Variants in SLC23A2 observed in about 807,000 individuals in gnomAD.
SLC23A2 encodes solute carrier family 23 member 2.
SLC23A2 carries 36 observed loss-of-function variants against 73.3 expected under a neutral mutation model. The observed-to-expected ratio is 0.49, with a 90% CI of 0.38 to 0.65. SLC23A2 has a LOEUF of 0.65. Among genes scored for constraint, SLC23A2 ranks in the 30% least tolerant of loss-of-function variants. The pLI, the probability that SLC23A2 is intolerant of heterozygous loss-of-function variation, is 0.00. For missense variants in SLC23A2, 507 were observed against 841.6 expected (o/e 0.60, Z 4.92); for synonymous variants, 343 against 327.3 (o/e 1.05, Z -0.52).
chr20:4,894,491 T>C (rs1050967385), intron 6 of SLC23A2, among the ~76,000 whole-genome samples: 8 of 152,218 alleles, frequency 5.3e-5, no homozygotes, highest in Non-Finnish European at 1.0e-4. Context: ...ATGCTTCACG[T>C]GGTCTCAGCC....
chr20:4,986,499 A>G (rs753226948), intron 1 of SLC23A2, among the ~76,000 whole-genome samples: 2 of 152,014 alleles, frequency 1.3e-5, no homozygotes, highest in African/African-American at 2.4e-5. Flanking sequence ...TTTTTAGTAG[A>G]GATAGGGTTT....
chr20:4,989,175 C>G (rs527416156), intron 1 of SLC23A2, among the ~76,000 whole-genome samples: 3 of 148,932 alleles, frequency 2.0e-5, no homozygotes, highest in South Asian at 2.1e-4. Flanking sequence ...GGAGGCAGAG[C>G]TTGCAATGAG....
At chr20:4,934,833 A>T (rs2086935854) in intron 2 of SLC23A2, among the ~76,000 whole-genome samples, 3 of 151,872 alleles carry the variant, frequency 2.0e-5, no homozygotes, top group Admixed American at 2.0e-4. Context: ...ATTGTACTCC[A>T]GCCTGGGCAA....
At chr20:4,927,460 G>A (rs985389118) in intron 3 of SLC23A2, among the ~76,000 whole-genome samples, 5 of 152,066 alleles carry the variant, frequency 3.3e-5, no homozygotes, top group South Asian at 2.1e-4. Flanking sequence ...CCTCTCACAC[G>A]GGTCAGTCAC....
intron 2 of SLC23A2, among the ~76,000 whole-genome samples, chr20:4,951,834 T>G (rs1018792314): frequency 1.3e-5 from 2 of 152,100 alleles, no homozygotes; most frequent in African/African-American, 4.8e-5. Context: ...TCGGGTGTGG[T>G]GGCTCACACC....
chr20:4,959,468 C>T (rs1164654816), intron 2 of SLC23A2, among the ~76,000 whole-genome samples: 2 of 152,098 alleles, frequency 1.3e-5, no homozygotes, highest in East Asian at 1.9e-4. Context: ...AGAACATGTA[C>T]ATAAATGTTA....
intron 1 of SLC23A2, among the ~76,000 whole-genome samples, chr20:4,993,858 A>T (rs2087972013): frequency 1.3e-5 from 2 of 152,128 alleles, no homozygotes; most frequent in Admixed American, 1.3e-4. Flanking sequence ...TGAGCTCAAG[A>T]GTTCGAGACC....
intron 6 of SLC23A2, among the ~76,000 whole-genome samples, chr20:4,894,562 C>T (rs1056927677): frequency 5.3e-5 from 8 of 152,210 alleles, no homozygotes; most frequent in African/African-American, 1.9e-4. Context: ...CCTGTTCTTA[C>T]TCTGCTCAAA....
At chr20:4,948,169 C>T (rs2122979206) in intron 2 of SLC23A2, among the ~76,000 whole-genome samples, 1 of 152,338 alleles carries the variant, frequency 6.6e-6, no homozygotes, top group South Asian at 2.1e-4. Flanking sequence ...TCAACGGACT[C>T]ACCAGCCCTC....
At chr20:4,910,034 A>C (rs1411488787) in intron 4 of SLC23A2, among the ~76,000 whole-genome samples, 1 of 152,160 alleles carries the variant, frequency 6.6e-6, no homozygotes. Context: ...ACCAGCTTAC[A>C]TGCCACTCTG....
chr20:4,923,389 C>T (rs574768902), intron 3 of SLC23A2, among the ~76,000 whole-genome samples: 50 of 152,310 alleles, frequency 3.3e-4, no homozygotes, highest in Middle Eastern at 6.8e-3. Context: ...TTTTCTAACA[C>T]TTTTTCCCCC....
Position 4,899,737 on chromosome 20 carries a change from G to A in SLC23A2, c.325-25C>T, listed in dbSNP as rs2122867823. 3 of 1,611,598 alleles carry A rather than the reference G, an allele frequency of 1.9e-6. No homozygotes were observed. The highest frequency in any genetic ancestry group is 2.2e-5 in the East Asian group (1 of 44,848). ...GCTGTGGGCAGGAAAAGGGTCAGAG[G>A]AGAAACAGTAAACCCTTCCTCATTT... On this transcript the variant is annotated intron_variant, in intron 5 of 16. Transcript: ENST00000338244. The surrounding 1 kb of genome is among the most constrained non-coding windows in gnomAD (Gnocchi z 4.9).
chr20:4,915,174 G>A (rs1212540788), intron 3 of SLC23A2, among the ~76,000 whole-genome samples: 1 of 152,114 alleles, frequency 6.6e-6, no homozygotes, highest in Non-Finnish European at 1.5e-5. Flanking sequence ...TGTCTAAAAA[G>A]GACAGAAAAG....
chr20:4,948,424 A>G (rs1373630875), intron 2 of SLC23A2, among the ~76,000 whole-genome samples: 1 of 151,872 alleles, frequency 6.6e-6, no homozygotes, highest in Admixed American at 6.6e-5. Context: ...TCCCCACCAC[A>G]CCATACCCCC....
chr20:4,975,314 G>A (rs1206801321), intron 1 of SLC23A2, among the ~76,000 whole-genome samples: 1 of 151,896 alleles, frequency 6.6e-6, no homozygotes, highest in Non-Finnish European at 1.5e-5. Flanking sequence ...GTGCAGCGGT[G>A]AGTAAGAAAA....
intron 2 of SLC23A2, among the ~76,000 whole-genome samples, chr20:4,963,050 G>A (rs6038021): frequency 0.4 from 60,597 of 151,532 alleles, 12,349 homozygotes; most frequent in Admixed American, 0.48. Flanking sequence ...AACTAACAGT[G>A]GTAGTTGAAT....
At chr20:4,917,175 G>A (rs918944428) in intron 3 of SLC23A2, among the ~76,000 whole-genome samples, 1 of 152,140 alleles carries the variant, frequency 6.6e-6, no homozygotes, top group South Asian at 2.1e-4. Flanking sequence ...ACAAAGAAAT[G>A]CCAAGAACAG....
At chr20:4,964,724 G>T (rs950450118) in intron 2 of SLC23A2, among the ~76,000 whole-genome samples, 5 of 151,758 alleles carry the variant, frequency 3.3e-5, no homozygotes, top group Non-Finnish European at 5.9e-5. Context: ...TGCAGTCCCA[G>T]CTACTCAGGA....
rs192937248 is a variant in SLC23A2 at position 4,876,013 on chromosome 20, C to T, written c.825-1317G>A. The stretch of plus-strand genomic sequence containing the variant: ...CCACGGGTCTCCCTGCCTACTCAGG[C>T]GCTTCGGTGAACTGGTGATCCATCA... On this transcript the variant is annotated intron_variant, in intron 9 of 16. Coordinates refer to ENST00000338244, the MANE Select transcript of SLC23A2 (RefSeq NM_005116.6). 1.3e-4 allele frequency among the ~76,000 whole-genome samples: 20 copies of T among 152,282 alleles called. No homozygotes were observed. The East Asian group carries it at 3.1e-3, about 23-fold the overall frequency.
Sources: gnomAD v4.1 joint callset for allele counts (sites outside exome capture counted in the v4.1 genomes callset) on GRCh38, gnomAD v4.1.1 for gene constraint, Gnocchi (gnomAD v3.1) non-coding constraint, MANE v1.5 for transcripts, NCBI Gene and HGNC (gene_info 2026-07-23, HGNC 2026-07-21) for gene names.